Variants in EHBP1 observed in about 807,000 individuals in gnomAD.
EHBP1 encodes EH domain binding protein 1.
EHBP1 carries 55 observed loss-of-function variants against 144.0 expected under a neutral mutation model. That is an observed-to-expected ratio of 0.38 (90% CI 0.31 to 0.48). The LOEUF (loss-of-function observed/expected upper bound fraction) is 0.48, where lower values mean the gene tolerates loss of function less well. EHBP1 is among the 20% of genes least tolerant of loss of function. The pLI, the probability that EHBP1 is intolerant of heterozygous loss-of-function variation, is 0.98. For synonymous variants in EHBP1, 469 were observed against 472.7 expected (o/e 0.99, Z 0.10); for missense variants, 1,200 against 1,364.2 (o/e 0.88, Z 1.90).
At chr2:62,819,513 T>A (rs1663048754) in intron 5 of EHBP1, among the ~76,000 whole-genome samples, 1 of 152,042 alleles carries the variant, frequency 6.6e-6, no homozygotes, top group African/African-American at 2.4e-5. Context: ...ATCCCAACAC[T>A]GAGAGGCTGA....
intron 5 of EHBP1, among the ~76,000 whole-genome samples, chr2:62,802,624 A>G (rs994334930): frequency 1.3e-5 from 2 of 151,326 alleles, no homozygotes; most frequent in African/African-American, 4.9e-5. Flanking sequence ...GTTCTCCCTC[A>G]CCCACACAGT....
intron 7 of EHBP1, among the ~76,000 whole-genome samples, chr2:62,844,361 T>C (rs2048142874): frequency 6.6e-6 from 1 of 152,204 alleles, no homozygotes; most frequent in African/African-American, 2.4e-5. Flanking sequence ...TTATTGATGC[T>C]ACTTCTATAG....
At chr2:62,739,388 CTT>C (rs796281688) in intron 2 of EHBP1, among the ~76,000 whole-genome samples, 4 of 139,412 alleles carry the variant, frequency 2.9e-5, no homozygotes, top group African/African-American at 5.2e-5. Flanking sequence ...TTGATAGATT[CTT>C]TTTTTTTTTT....
At chr2:62,846,394 A>C (rs925370505) in intron 7 of EHBP1, among the ~76,000 whole-genome samples, 2 of 152,212 alleles carry the variant, frequency 1.3e-5, no homozygotes, top group African/African-American at 4.8e-5. Context: ...TTAATAAAGG[A>C]AAAAAATTAT....
chr2:62,981,964 G>A (rs1182435609), intron 15 of EHBP1, among the ~76,000 whole-genome samples: 1 of 152,076 alleles, frequency 6.6e-6, no homozygotes, highest in Admixed American at 6.6e-5. Flanking sequence ...ATACCAAATG[G>A]TAGTCTGTTT....
chr2:62,879,240 A>T (rs983247709), intron 10 of EHBP1, among the ~76,000 whole-genome samples: 5 of 152,254 alleles, frequency 3.3e-5, no homozygotes, highest in Admixed American at 2.6e-4. Flanking sequence ...CAAAACAAGG[A>T]TGCCCACTGT....
chr2:62,922,247 G>C (rs1203132688), intron 10 of EHBP1, among the ~76,000 whole-genome samples: 1 of 152,184 alleles, frequency 6.6e-6, no homozygotes, highest in South Asian at 2.1e-4. Context: ...TCTTTATGTT[G>C]AGTAAGCTGA....
At chr2:62,824,605 C>G (rs1302366225) in intron 5 of EHBP1, among the ~76,000 whole-genome samples, 2 of 152,004 alleles carry the variant, frequency 1.3e-5, no homozygotes, top group African/African-American at 4.8e-5. Context: ...AGTATTTCTT[C>G]TGAGAGGGCT....
rs560445019 is a variant in EHBP1, at chr2:62,888,021, AAACAT to A, written c.1185+13491_1185+13495del. 4.6e-5 allele frequency among the ~76,000 whole-genome samples: 7 copies of A among 152,338 alleles called. No homozygotes were observed. In the South Asian group the frequency reaches 1.5e-3, roughly 32 times the overall value. ...TATAGCACATATGGTATCATTTCTA[AAACAT>A]ATTTGGATGTGTGCACTTCATGGCC... is the stretch of plus-strand genomic sequence containing the variant. On this transcript the variant is annotated intron_variant, in intron 10 of 22. Coordinates refer to ENST00000431489, the MANE Select transcript of EHBP1 (RefSeq NM_001142616.3).
At chr2:62,721,956 AT>A (rs2036263547) in intron 2 of EHBP1, among the ~76,000 whole-genome samples, 1 of 152,176 alleles carries the variant, frequency 6.6e-6, no homozygotes, top group Non-Finnish European at 1.5e-5. Flanking sequence ...AATACAAATA[AT>A]TCACATATAC....
At chr2:62,741,821 T>C (rs2038736535) in intron 2 of EHBP1, among the ~76,000 whole-genome samples, 1 of 152,116 alleles carries the variant, frequency 6.6e-6, no homozygotes, top group Non-Finnish European at 1.5e-5. Context: ...CAAAAAATAA[T>C]ATAAACAATA....
chr2:62,755,139 C>A (rs368269979), intron 3 of EHBP1, among the ~76,000 whole-genome samples: 71 of 152,280 alleles, frequency 4.7e-4, no homozygotes, highest in African/African-American at 1.5e-3. Context: ...ACCACCCCCA[C>A]TTTTTTCTTT....
At chr2:62,784,314 A>G (rs1461618594) in intron 5 of EHBP1, among the ~76,000 whole-genome samples, 4 of 152,178 alleles carry the variant, frequency 2.6e-5, no homozygotes, top group African/African-American at 9.7e-5. Flanking sequence ...AAAGGAGACC[A>G]TTGTTCTACT....
chr2:63,028,018 C>T (rs899964799), intron 19 of EHBP1, among the ~76,000 whole-genome samples: 2 of 152,084 alleles, frequency 1.3e-5, no homozygotes, highest in African/African-American at 4.8e-5. Flanking sequence ...CTGTCTTGGC[C>T]TCTGAAAGTG....
rs184158188 is a variant in EHBP1, at chr2:62,911,676, G to T, written c.1186-31042G>T. ...AGGGTTTCTTCATGTTGGTCAGGCT[G>T]GTCTCGAACTCCTGACTTCAGGTGA... On this transcript the variant is annotated intron_variant, in intron 10 of 22. Transcript: ENST00000431489. Among the ~76,000 whole-genome samples the T allele has an allele frequency of 4.9e-4, 75 of 152,210 alleles. 1 individual carries two copies. The highest frequency in any genetic ancestry group is 1.6e-3 in the African/African-American group (66 of 41,530).
At chr2:62,789,600 T>G (rs187044598) in intron 5 of EHBP1, among the ~76,000 whole-genome samples, 1 of 152,306 alleles carries the variant, frequency 6.6e-6, no homozygotes, top group East Asian at 1.9e-4. Context: ...CACTTAAAGA[T>G]GACAGCTGCC....
intron 4 of EHBP1, among the ~76,000 whole-genome samples, chr2:62,765,722 ATAT>A (rs2041125481): frequency 6.6e-6 from 1 of 152,154 alleles, no homozygotes; most frequent in African/African-American, 2.4e-5. Context: ...TAAATATTTT[ATAT>A]TATTATTTTG....
chr2:62,839,326 T>C (rs1456811529), intron 7 of EHBP1, among the ~76,000 whole-genome samples: 2 of 146,900 alleles, frequency 1.4e-5, no homozygotes, highest in Admixed American at 6.8e-5. Flanking sequence ...AAATTAGGTA[T>C]TGATGGGACG....
intron 14 of EHBP1, among the ~76,000 whole-genome samples, chr2:62,962,410 A>T (rs1457174112): frequency 6.6e-6 from 1 of 152,224 alleles, no homozygotes; most frequent in African/African-American, 2.4e-5. Flanking sequence ...ATTGCTTTTT[A>T]AAAAATGCAT....
Sources: allele counts gnomAD v4.1 joint callset (sites outside exome capture counted in the v4.1 genomes callset), GRCh38; gene constraint gnomAD v4.1.1; transcripts MANE v1.5; gene names NCBI Gene and HGNC (gene_info 2026-07-23, HGNC 2026-07-21).